The following COL5A3 variants were observed in gnomAD, a reference collection of about 807,000 sequenced individuals.
The protein encoded by COL5A3 is collagen alpha-3(V) chain.
Under a neutral mutation model 250.0 loss-of-function variants are expected in COL5A3, and 172 were observed. The observed-to-expected ratio is 0.69, with a 90% CI of 0.61 to 0.78. COL5A3 has a LOEUF of 0.78. Among genes scored for constraint, COL5A3 ranks in the 30% least tolerant of loss-of-function variants. COL5A3 has a pLI of 0.00. For synonymous variants in COL5A3, 937 were observed against 900.4 expected, an observed-to-expected ratio of 1.04 and a Z score of -0.73; for missense variants, 2,340 against 2,334.4, an observed-to-expected ratio of 1.00 and a Z score of -0.05.
chr19:9,988,858 A>G (rs12975548), intron 27 of COL5A3, among the ~76,000 whole-genome samples: 1 of 135,492 alleles, frequency 7.4e-6, no homozygotes, highest in East Asian at 2.0e-4. Context: ...AAAAAAAAAA[A>G]GAAAGTAAAG....
chr19:9,996,934 T>C (rs538124038), intron 11 of COL5A3: 12 of 550,228 alleles, frequency 2.2e-5, no homozygotes, highest in Non-Finnish European at 3.2e-5. Context: ...TGGGGGCAGA[T>C]GGAGAGACAT....
intron 39 of COL5A3, 38 bp downstream of exon 39, chr19:9,979,094 G>A: frequency 2.0e-6 from 3 of 1,498,154 alleles, no homozygotes; most frequent in Non-Finnish European, 2.7e-6. Context: ...GGTTGATCTT[G>A]GATGTTCAAC....
rs2086884386 is a variant in COL5A3 at position 9,973,752 on chromosome 19, T to G, written c.3612+4A>C. 2 of 1,613,844 alleles carry G rather than the reference T, an allele frequency of 1.2e-6. No individual in the cohort carries two copies. The highest frequency in any genetic ancestry group is 4.5e-5 in the East Asian group (2 of 44,836). On this transcript the variant is annotated splice_donor_region_variant and intron_variant, in intron 49 of 66. Coordinates refer to ENST00000264828, the MANE Select transcript of COL5A3 (RefSeq NM_015719.4). ...CCGTGCAGCCCCTGCCTTCCCTCAC[T>G]CACCTTCTCACCCACGGCGCCTGGC... is the stretch of plus-strand genomic sequence containing the variant.
intron 51 of COL5A3, 71 bp from the exon 52 acceptor site, chr19:9,971,329 A>G: frequency 1.7e-6 from 2 of 1,199,850 alleles, no homozygotes; most frequent in South Asian, 1.5e-5. Context: ...GAACAGATCA[A>G]CTGTATCCAG....
At chr19:9,990,570 A>T (rs1450329472) in intron 24 of COL5A3, among the ~76,000 whole-genome samples, 1 of 149,058 alleles carries the variant, frequency 6.7e-6, no homozygotes, top group East Asian at 2.0e-4. Context: ...AATAAAATTA[A>T]TTTTTTTTTT....
rs1255434254 is a variant in COL5A3 at position 9,973,514 on chromosome 19, C to T, written c.3666+56G>A. The stretch of plus-strand genomic sequence containing the variant: ...AGAGGTCAAAGTGGCCCAAGATGCC[C>T]AGGGGTCAGGGGTTCCCTGAGTTGG... On this transcript the variant is annotated intron_variant, in intron 50 of 66. Transcript: ENST00000264828. 6.4e-6 allele frequency: 10 copies of T among 1,560,456 alleles called. No individual in the cohort carries two copies. In the East Asian group the frequency reaches 1.3e-4, roughly 21 times the overall value.
intron 50 of COL5A3, 73 bp from the exon 51 acceptor site, chr19:9,973,099 A>G: frequency 2.9e-6 from 4 of 1,375,810 alleles, no homozygotes; most frequent in South Asian, 1.4e-5. Flanking sequence ...ACTTGGATTC[A>G]GGCATTGGGG....
chr19:9,976,100 G>T (rs2086917576), intron 45 of COL5A3, among the ~76,000 whole-genome samples: 1 of 151,270 alleles, frequency 6.6e-6, no homozygotes, highest in African/African-American at 2.4e-5. Flanking sequence ...GGGAAGACAT[G>T]GTTCGACTGG....
intron 53 of COL5A3, 109 bp downstream of exon 53, chr19:9,970,864 CTG>C (rs1491511052): frequency 0.036 from 40,854 of 1,135,150 alleles, 1,916 homozygotes; most frequent in African/African-American, 0.21. Context: ...GCGGGAGCAT[CTG>C]CAGGGGCCTT....
At chr19:9,997,189 G>A (rs778881028) in intron 11 of COL5A3, 182 bp downstream of exon 11, 21 of 636,558 alleles carry the variant, frequency 3.3e-5, no homozygotes, top group Non-Finnish European at 5.3e-5. Flanking sequence ...GTAGGCCCCA[G>A]CAACACAAGG....
intron 41 of COL5A3, 29 bp from the exon 42 acceptor site, chr19:9,977,730 A>G: frequency 1.6e-5 from 24 of 1,502,648 alleles, no homozygotes; most frequent in Admixed American, 2.3e-5. Flanking sequence ...AATCAGGTAT[A>G]ATACCAGTAG....
At chr19:10,003,794 G>T in intron 5 of COL5A3, 80 bp from the exon 6 acceptor site, 2 of 1,569,798 alleles carry the variant, frequency 1.3e-6, no homozygotes, top group Non-Finnish European at 1.7e-6. Context: ...GGTGAGGCTG[G>T]CTCATGGCCC....
Position 10,005,949 on chromosome 19 carries a change from G to T in COL5A3, c.284C>A (p.Thr95Asn). Reference protein sequence around the residue: ...HFPENFSLLITLRGQPANQSV... With the variant: ...HFPENFSLLINLRGQPANQSV... The stretch of plus-strand genomic sequence containing the variant: ...CTGATTGGCTGGCTGTCCCCGCAAG[G>T]TGATCAGCAAGGAGAAGTTCTCAGG... The change falls in exon 3 of 67, where the codon ACC becomes AAC. Residue 95 changes from threonine (T) to asparagine (N), a missense_variant. Thr to Asn is a moderately conservative substitution (Grantham distance 65). Around this residue, in one of 3 missense-constraint regions of COL5A3, gnomAD observed 1,152 missense variants for 1,146.3 expected, o/e 1.00. Transcript: ENST00000264828. The T allele has an allele frequency of 6.2e-7, 1 of 1,614,092 alleles. No homozygotes were observed. Among genetic ancestry groups the T allele is most frequent in the Non-Finnish European group, 8.5e-7 (1 of 1,179,992 alleles).
At chr19:10,000,895 ACATGGACACAT>A (rs1265063647) in intron 8 of COL5A3, among the ~76,000 whole-genome samples, 1 of 152,172 alleles carries the variant, frequency 6.6e-6, no homozygotes, top group Non-Finnish European at 1.5e-5. Flanking sequence ...AAATGAGAAC[ACATGGACACAT>A]AGAGGGGAAC....
Position 9,993,826 on chromosome 19 carries a change from A to G in COL5A3, c.1588-20T>C, listed in dbSNP as rs1488994789. 1 of 1,613,416 alleles carries G rather than the reference A, an allele frequency of 6.2e-7. No individual in the cohort carries two copies. The highest frequency in any genetic ancestry group is 2.2e-5 in the East Asian group (1 of 44,874). On this transcript the variant is annotated intron_variant, in intron 16 of 66. Coordinates refer to ENST00000264828, the MANE Select transcript of COL5A3 (RefSeq NM_015719.4). ...GCGGCCCTATGGAGAAAGTAAGCCC[A>G]AGAGTCAAGGATGAGCCTTCCCTGT...
intron 8 of COL5A3, among the ~76,000 whole-genome samples, chr19:9,999,298 C>A (rs2087320554): frequency 6.6e-6 from 1 of 150,968 alleles, no homozygotes; most frequent in South Asian, 2.1e-4. Context: ...CTCAGGTGAT[C>A]CTCCCTCCTC....
At chr19:9,985,715 A>C (rs2087089856) in intron 31 of COL5A3, 127 bp downstream of exon 31, 1 of 852,878 alleles carries the variant, frequency 1.2e-6, no homozygotes, top group East Asian at 2.5e-5. Context: ...CAAAGCCCAC[A>C]TTTTACATTC....
intron 37 of COL5A3, 116 bp from the exon 38 acceptor site, chr19:9,979,533 TAATC>T: frequency 9.0e-7 from 1 of 1,115,122 alleles, no homozygotes. Context: ...CTCACGCCTG[TAATC>T]CCAGCACTTT....
At position 9,960,276 on chromosome 19, in the gene COL5A3, T is replaced by C. The variant is rs73020030; in HGVS notation, c.*135A>G. 23,942 of 1,084,584 alleles carry C rather than the reference T, an allele frequency of 0.022. 494 individuals carry two copies. Among genetic ancestry groups the C allele is most frequent in the East Asian group, 0.079 (3,075 of 39,070 alleles). The allele number at this position is 1,084,584 out of a possible 1,614,324, so 67.2% of individuals were successfully genotyped here. ...CACCCTGGAAAGGAGAAGGAATGACTGTCCGTGATGAGCGAAGTCACATCC... is the reference window on the plus strand; with the variant it reads ...CACCCTGGAAAGGAGAAGGAATGACCGTCCGTGATGAGCGAAGTCACATCC... On this transcript the variant is annotated 3_prime_UTR_variant, in exon 67 of 67. Coordinates refer to ENST00000264828, the MANE Select transcript of COL5A3 (RefSeq NM_015719.4).
Sources: gnomAD v4.1 joint callset for allele counts (sites outside exome capture counted in the v4.1 genomes callset) on GRCh38, gnomAD v4.1.1 for gene constraint, gnomAD v4.1.1 regional missense constraint, MANE v1.5 for transcripts, NCBI Gene and HGNC (gene_info 2026-07-23, HGNC 2026-07-21) for gene names.